Variants in JAK1 observed in about 807,000 individuals in gnomAD.
JAK1 encodes the protein Janus kinase 1.
Under a neutral mutation model 136.6 loss-of-function variants are expected in JAK1, and 16 were observed. That is an observed-to-expected ratio of 0.12 (90% CI 0.08 to 0.18). The LOEUF is 0.18. Among genes scored for constraint, JAK1 ranks in the 10% least tolerant of loss-of-function variants. The pLI is 1.00. For missense variants in JAK1, 859 were observed against 1,450.1 expected, an observed-to-expected ratio of 0.59 and a Z score of 6.62; for synonymous variants, 492 against 519.5, an observed-to-expected ratio of 0.95 and a Z score of 0.72.
rs199920803 is a variant in JAK1, at chr1:64,847,673, G to C, written c.1758C>G (p.Gly586=). The change falls in exon 13 of 25, where the codon GGC becomes GGG. Residue 586 remains glycine (G), a splice_region_variant and synonymous_variant. Coordinates refer to ENST00000342505, the MANE Select transcript of JAK1 (RefSeq NM_002227.4). The stretch of plus-strand genomic sequence containing the variant: ...TTCTCGTGCCTCTCCCAAGGTGCTC[G>C]CCCTGAGGGAAGAAGCAGAAGGCTG... ...DRILKKDLVQ[G]EHLGRGTRTH... 6 of 1,613,676 alleles carry C rather than the reference G, an allele frequency of 3.7e-6. No individual in the cohort carries two copies. In the South Asian group the frequency reaches 5.5e-5, roughly 15 times the overall value.
intron 2 of JAK1, among the ~76,000 whole-genome samples, chr1:65,003,044 A>G (rs1216920257): frequency 7.6e-6 from 1 of 132,074 alleles, no homozygotes; most frequent in Non-Finnish European, 1.6e-5. Flanking sequence ...TAAGAAAAGC[A>G]TTGGCACCGC....
chr1:65,017,150 C>T (rs1027340749), intron 2 of JAK1, among the ~76,000 whole-genome samples: 5 of 151,986 alleles, frequency 3.3e-5, no homozygotes, highest in African/African-American at 9.7e-5. Context: ...ATACATCTCC[C>T]GATAATTGAT....
chr1:65,027,029 G>A (rs1412301710), intron 2 of JAK1, among the ~76,000 whole-genome samples: 2 of 151,844 alleles, frequency 1.3e-5, no homozygotes, highest in African/African-American at 4.8e-5. Flanking sequence ...GGGTAGAGCT[G>A]GTTATCTGGA....
chr1:64,862,435 T>C (rs2101088796), intron 8 of JAK1, among the ~76,000 whole-genome samples: 1 of 152,296 alleles, frequency 6.6e-6, no homozygotes, highest in East Asian at 1.9e-4. Flanking sequence ...GTGCTCAGAA[T>C]AGGAAGTACC....
intron 8 of JAK1, among the ~76,000 whole-genome samples, chr1:64,860,736 A>G (rs534178239): frequency 1.0e-3 from 156 of 152,208 alleles, no homozygotes; most frequent in Non-Finnish European, 2.0e-3. Flanking sequence ...TACAGCCGTG[A>G]GCCACTGTGC....
At chr1:64,969,403 A>ACC, upstream of JAK1, among the ~76,000 whole-genome samples, 1 of 130,152 alleles carries the variant, frequency 7.7e-6, no homozygotes, top group Non-Finnish European at 1.6e-5. Context: ...CCCCCATCAC[A>ACC]CCCCCCCGCA....
upstream of JAK1, among the ~76,000 whole-genome samples, chr1:64,966,720 G>C (rs1339048712): frequency 1.4e-5 from 2 of 145,310 alleles, no homozygotes; most frequent in Admixed American, 6.9e-5. Context: ...ATCCGGCTTC[G>C]CTCGCGAAGC....
At position 65,047,705 on chromosome 1, in the gene JAK1, C is replaced by T. The variant is rs149880854; in HGVS notation, c.-180-3123G>A. Among the ~76,000 whole-genome samples the T allele has an allele frequency of 7.3e-3, 1,104 of 150,654 alleles. 18 individuals carry two copies. The highest frequency in any genetic ancestry group is 0.026 in the African/African-American group (1,049 of 40,840). ...CTGCACTCCAGCCCGGGCAACAGAG[C>T]GAGACTTCATCTCAAAAAAAAAAAA... On this transcript the variant is annotated intron_variant, in intron 1 of 25. Coordinates refer to the JAK1 transcript ENST00000671954.
upstream of JAK1, among the ~76,000 whole-genome samples, chr1:64,967,405 C>T (rs1197914294): frequency 6.6e-6 from 1 of 152,204 alleles, no homozygotes; most frequent in African/African-American, 2.4e-5. Context: ...CACTCCAGCC[C>T]CCAATTAATT....
chr1:64,966,422 G>A lies in JAK1; in HGVS notation c.-167C>T, dbSNP rs1241769432. The A allele has an allele frequency of 6.6e-6, 1 of 151,196 alleles. No individual in the cohort carries two copies. The highest frequency in any genetic ancestry group is 2.0e-4 in the East Asian group (1 of 5,108). The allele number at this position is 151,196 out of a possible 1,614,324, so 9.4% of individuals were successfully genotyped here. A position where few individuals can be genotyped will look rare whatever the true frequency, so the allele number is the denominator to read the frequency against. On this transcript the variant is annotated 5_prime_UTR_variant, in exon 1 of 25. Transcript: ENST00000342505. Reference sequence around the variant, plus strand: ...GCTCGCTAGGCGGCCAGCCCCGCGGGGCCCCAGCGTGCGCGCGCCCAGGGC... The same window carrying A: ...GCTCGCTAGGCGGCCAGCCCCGCGGAGCCCCAGCGTGCGCGCGCCCAGGGC...
In JAK1 at chr1:64,961,205, G is replaced by C. The variant is rs541483805; in HGVS notation, c.-78+5128C>G. Among the ~76,000 whole-genome samples, 17 of 152,282 alleles carry C rather than the reference G, an allele frequency of 1.1e-4. No homozygotes were observed. The South Asian group carries it at 3.5e-3, about 32-fold the overall frequency. ...TATAAATTAAAAGCAAATCAAAGTA[G>C]GTTTTATTCCACTGTAAGAAAAGCA... On this transcript the variant is annotated intron_variant, in intron 1 of 24. Coordinates refer to ENST00000342505, the MANE Select transcript of JAK1 (RefSeq NM_002227.4).
chr1:64,888,079 T>C (rs553087834), intron 1 of JAK1, among the ~76,000 whole-genome samples: 12 of 152,292 alleles, frequency 7.9e-5, no homozygotes, highest in African/African-American at 2.9e-4. Flanking sequence ...ACTCAGCCTT[T>C]TAGGACAGGA....
intron 2 of JAK1, chr1:64,993,217 CT>C (rs1400379575): frequency 6.6e-6 from 1 of 152,206 alleles, no homozygotes; most frequent in Admixed American, 6.5e-5. Context: ...TTAAAGTCGA[CT>C]TTTAAAATTT....
At chr1:64,860,419 C>CATTTATTT (rs3051564) in intron 8 of JAK1, among the ~76,000 whole-genome samples, 157 bp from the exon 9 acceptor site, 2,569 of 73,772 alleles carry the variant, frequency 0.035, 52 homozygotes, top group East Asian at 0.061. Context: ...CCCTTGCATG[C>CATTTATTT]ATTTATTTAT....
intron 8 of JAK1, among the ~76,000 whole-genome samples, chr1:64,863,076 T>A (rs1656451634): frequency 7.0e-6 from 1 of 142,418 alleles, no homozygotes; most frequent in African/African-American, 2.7e-5. Flanking sequence ...GGATGCAGCA[T>A]ATAACACAGG....
chr1:64,920,111 C>T (rs981813064), intron 1 of JAK1, among the ~76,000 whole-genome samples: 1 of 152,158 alleles, frequency 6.6e-6, no homozygotes, highest in South Asian at 2.1e-4. Flanking sequence ...ATGATCATTT[C>T]TGGTTAAAGA....
intron 4 of JAK1, among the ~76,000 whole-genome samples, chr1:64,874,449 T>C (rs1333361972): frequency 6.6e-6 from 1 of 152,092 alleles, no homozygotes; most frequent in Non-Finnish European, 1.5e-5. Flanking sequence ...ATGTTATTGG[T>C]AAGGCTTCCA....
At chr1:64,856,811 C>T (rs1655968627) in intron 10 of JAK1, among the ~76,000 whole-genome samples, 1 of 151,868 alleles carries the variant, frequency 6.6e-6, no homozygotes, top group Non-Finnish European at 1.5e-5. Context: ...CCGTTTCCTC[C>T]TCCCACTCTT....
At chr1:64,968,800 C>T (rs764307354), upstream of JAK1, among the ~76,000 whole-genome samples, 1 of 152,042 alleles carries the variant, frequency 6.6e-6, no homozygotes, top group Non-Finnish European at 1.5e-5. Context: ...GACGTGGTGG[C>T]GGGAACCTGT....
Sources: gnomAD v4.1 joint callset for allele counts (sites outside exome capture counted in the v4.1 genomes callset) on GRCh38, gnomAD v4.1.1 for gene constraint, MANE v1.5 for transcripts, NCBI Gene and HGNC (gene_info 2026-07-23, HGNC 2026-07-21) for gene names.